Variants in IL6R observed in about 807,000 individuals in gnomAD.
The protein encoded by IL6R is interleukin 6 receptor, also known as interleukin-6 receptor subunit alpha.
A neutral mutation model predicts 48.3 loss-of-function variants in IL6R; 38 were observed. The ratio of observed to expected loss-of-function variants is 0.79; its 90% CI spans 0.61 to 1.03. The LOEUF is 1.03. Among genes scored for constraint, IL6R ranks in the 50% least tolerant of loss-of-function variants. IL6R has a pLI of 0.00. For missense variants in IL6R, 534 were observed against 618.3 expected (o/e 0.86, Z 1.45); for synonymous variants, 264 against 256.2 (o/e 1.03, Z -0.29).
intron 1 of IL6R, among the ~76,000 whole-genome samples, chr1:154,420,603 T>C (rs1305107510): frequency 6.8e-6 from 1 of 146,752 alleles, no homozygotes; most frequent in Non-Finnish European, 1.5e-5. Context: ...ACTGCAGCCT[T>C]CGACTCACTG....
chr1:154,405,845 T>A lies in IL6R; in HGVS notation c.85+131T>A. The A allele has an allele frequency of 1.4e-6, 1 of 696,236 alleles. No individual in the cohort carries two copies. The highest frequency in any genetic ancestry group is 2.3e-6 in the Non-Finnish European group (1 of 442,134). 43.1% of individuals were successfully genotyped at this position (696,236 alleles called of 1,614,324 possible). A position where few individuals can be genotyped will look rare whatever the true frequency, so the allele number is the denominator to read the frequency against. On this transcript the variant is annotated intron_variant, in intron 1 of 9. Coordinates refer to ENST00000368485, the MANE Select transcript of IL6R (RefSeq NM_000565.4). This position sits in a 1 kb window ranked among gnomAD's most constrained non-coding sequence, Gnocchi z 5.2. ...ACGGATCCCCTTTTCTGTGGCTGCC[T>A]TGAGGCCCCGCGGGTACCTAGCTGT...
At chr1:154,415,226 A>G (rs1279819529) in intron 1 of IL6R, 4 of 632,204 alleles carry the variant, frequency 6.3e-6, no homozygotes, top group Non-Finnish European at 1.1e-5. Flanking sequence ...CCCCCATTCC[A>G]ATATTTTAAA....
chr1:154,421,795 T>G (rs989949975), intron 1 of IL6R, among the ~76,000 whole-genome samples: 1 of 151,648 alleles, frequency 6.6e-6, no homozygotes, highest in Non-Finnish European at 1.5e-5. Context: ...AATTTTAGAG[T>G]TTTTTGGTAG....
chr1:154,439,274 A>T (rs1689804030), intron 6 of IL6R, among the ~76,000 whole-genome samples: 1 of 152,158 alleles, frequency 6.6e-6, no homozygotes, highest in Non-Finnish European at 1.5e-5. Flanking sequence ...TCTTCTAAAA[A>T]TTTTCAAATT....
intron 8 of IL6R, among the ~76,000 whole-genome samples, chr1:154,453,749 G>C (rs1019562108): frequency 6.6e-6 from 1 of 152,178 alleles, no homozygotes; most frequent in Non-Finnish European, 1.5e-5. Context: ...GAGAAATACT[G>C]GGAGGGGCAC....
intron 1 of IL6R, among the ~76,000 whole-genome samples, chr1:154,421,414 G>A (rs933410309): frequency 6.6e-6 from 1 of 152,192 alleles, no homozygotes; most frequent in Non-Finnish European, 1.5e-5. Flanking sequence ...GGCAGCACAG[G>A]ATGGCCTCCA....
At chr1:154,434,405 C>T (rs1383713052) in intron 3 of IL6R, 114 bp from the exon 4 acceptor site, 1 of 814,000 alleles carries the variant, frequency 1.2e-6, no homozygotes, top group African/African-American at 1.7e-5. Flanking sequence ...AGGCACAGGG[C>T]TTATAAGTCT....
At chr1:154,417,909 A>G (rs1688444469) in intron 1 of IL6R, among the ~76,000 whole-genome samples, 1 of 151,696 alleles carries the variant, frequency 6.6e-6, no homozygotes, top group Non-Finnish European at 1.5e-5. Flanking sequence ...TAATTTTTGT[A>G]TTTTTAGTAG....
At chr1:154,432,068 A>G (rs1689324422) in intron 3 of IL6R, among the ~76,000 whole-genome samples, 1 of 152,174 alleles carries the variant, frequency 6.6e-6, no homozygotes, top group East Asian at 1.9e-4. Flanking sequence ...TTCAGCTCCC[A>G]CTTGGGTCTG....
At position 154,436,001 on chromosome 1, in the gene IL6R, C is replaced by T. The variant is rs368550644; in HGVS notation, c.840C>T (p.His280=). The T allele has an allele frequency of 1.9e-5, 31 of 1,610,772 alleles. No individual in the cohort carries two copies. The highest frequency in any genetic ancestry group is 1.6e-4 in the Middle Eastern group (1 of 6,062). ...VKDLQHHCVI[H]DAWSGLRHVV... is the part of the protein sequence containing the mutation. ...ACCTCCAGCATCACTGTGTCATCCA[C>T]GACGCCTGGAGCGGCCTGAGGCACG... Residue 280 remains histidine (H), a synonymous_variant, in exon 6 of 10, where the codon CAC becomes CAT. Transcript: ENST00000368485.
At chr1:154,414,887 C>A (rs1234504677) in intron 1 of IL6R, 2 of 825,242 alleles carry the variant, frequency 2.4e-6, no homozygotes, top group Non-Finnish European at 4.1e-6. Flanking sequence ...TCCTTGTAAT[C>A]AAAGTAGCAG....
At chr1:154,406,003 A>C (rs916172207) in intron 1 of IL6R, among the ~76,000 whole-genome samples, 1 of 151,690 alleles carries the variant, frequency 6.6e-6, no homozygotes, top group Non-Finnish European at 1.5e-5. Flanking sequence ...TGCAAACCTG[A>C]CTCTCGAGCT....
chr1:154,463,555 G>A (rs575525072), intron 9 of IL6R, among the ~76,000 whole-genome samples: 23 of 152,332 alleles, frequency 1.5e-4, no homozygotes, highest in South Asian at 8.3e-4. Context: ...CCTTCCTGGA[G>A]TAACTGATCT....
At chr1:154,421,609 C>T (rs1688668828) in intron 1 of IL6R, among the ~76,000 whole-genome samples, 1 of 152,206 alleles carries the variant, frequency 6.6e-6, no homozygotes, top group African/African-American at 2.4e-5. Context: ...CCAGCCCTCC[C>T]CAGAACTCTC....
chr1:154,434,909 G>C lies in IL6R; in HGVS notation c.641-81G>C. 4 of 1,481,048 alleles carry C rather than the reference G, an allele frequency of 2.7e-6. No individual in the cohort carries two copies. In the South Asian group the frequency reaches 3.7e-5, roughly 14 times the overall value. The allele number at this position is 1,481,048 out of a possible 1,614,324, so 91.7% of individuals were successfully genotyped here. ...AGTGAACGGGGCTGGGTGGGGCCCT[G>C]CTTGCTGGGATCTCAGCCTACATGG... On this transcript the variant is annotated intron_variant, in intron 4 of 9. Transcript: ENST00000368485.
At chr1:154,447,121 G>A (rs1001316171) in intron 6 of IL6R, among the ~76,000 whole-genome samples, 4 of 150,478 alleles carry the variant, frequency 2.7e-5, no homozygotes, top group African/African-American at 9.8e-5. Flanking sequence ...GCCTGGCGAC[G>A]GAGCGAGACC....
intron 9 of IL6R, among the ~76,000 whole-genome samples, chr1:154,462,841 T>A (rs2149277971): frequency 6.6e-6 from 1 of 152,128 alleles, no homozygotes; most frequent in South Asian, 2.1e-4. Flanking sequence ...GACACATCAC[T>A]CTGTCACCCA....
intron 1 of IL6R, among the ~76,000 whole-genome samples, chr1:154,420,302 G>A (rs1055799465): frequency 2.0e-5 from 3 of 152,040 alleles, no homozygotes; most frequent in Non-Finnish European, 2.9e-5. Flanking sequence ...CTAGACCGCA[G>A]GAGTGGGGGC....
chr1:154,456,291 C>T (rs902366782), intron 9 of IL6R, among the ~76,000 whole-genome samples: 8 of 151,074 alleles, frequency 5.3e-5, no homozygotes, highest in African/African-American at 1.2e-4. Flanking sequence ...CTGCAACTTC[C>T]GCCTCCCGGG....
Sources: allele counts gnomAD v4.1 joint callset (sites outside exome capture counted in the v4.1 genomes callset), GRCh38; gene constraint gnomAD v4.1.1; non-coding constraint Gnocchi (gnomAD v3.1); transcripts MANE v1.5; gene names NCBI Gene and HGNC (gene_info 2026-07-23, HGNC 2026-07-21).